Variants in GSPT1 observed in about 807,000 individuals in gnomAD.
The protein encoded by GSPT1 is G1 to S phase transition 1, also known as eukaryotic peptide chain release factor GTP-binding subunit ERF3A.
A neutral mutation model predicts 72.5 loss-of-function variants in GSPT1; 20 were observed. The observed-to-expected ratio is 0.28, with a 90% CI of 0.19 to 0.40. The LOEUF is 0.40. Ranked by LOEUF, GSPT1 falls within the 10% of genes least tolerant of loss-of-function variation. The pLI, the probability that GSPT1 is intolerant of heterozygous loss-of-function variation, is 1.00. For synonymous variants in GSPT1, 334 were observed against 293.5 expected (o/e 1.14, Z -1.41); for missense variants, 580 against 811.9 (o/e 0.71, Z 3.47).
rs556502457 is a variant in GSPT1 at position 11,905,421 on chromosome 16, T to C, written c.353-7386A>G. Among the ~76,000 whole-genome samples the C allele has an allele frequency of 5.3e-5, 8 of 152,324 alleles. No homozygotes were observed. The South Asian group carries it at 8.3e-4, about 16-fold the overall frequency. On this transcript the variant is annotated intron_variant, in intron 1 of 14. Coordinates refer to ENST00000434724, the MANE Select transcript of GSPT1 (RefSeq NM_002094.4). ...GTTCTAGCTCAAGGATTCTCCTTAA[T>C]TGTAGTACACACTTGCCTACCTAAT...
At chr16:11,904,213 T>G in intron 1 of GSPT1, 1 of 158,326 alleles carries the variant, frequency 6.3e-6, no homozygotes, top group South Asian at 2.0e-4. Flanking sequence ...TTATTTTATT[T>G]TATTTATTTA....
intron 6 of GSPT1, among the ~76,000 whole-genome samples, chr16:11,888,425 G>A (rs2054211370): frequency 6.7e-6 from 1 of 149,688 alleles, no homozygotes; most frequent in Admixed American, 6.7e-5. Context: ...TCGTGCCATC[G>A]CACTCCAGGC....
intron 1 of GSPT1, among the ~76,000 whole-genome samples, chr16:11,904,536 TAA>T (rs1346803838): frequency 1.3e-5 from 2 of 152,068 alleles, no homozygotes; most frequent in Non-Finnish European, 2.9e-5. Flanking sequence ...TTCAATTTTT[TAA>T]AAGAGTGTAC....
At chr16:11,906,952 A>G (rs181851538) in intron 1 of GSPT1, among the ~76,000 whole-genome samples, 9 of 152,344 alleles carry the variant, frequency 5.9e-5, no homozygotes, top group African/African-American at 2.2e-4. Flanking sequence ...GAAAAACAGT[A>G]AAAGCAAACA....
chr16:11,883,277 T>C (rs565749371), intron 10 of GSPT1, among the ~76,000 whole-genome samples, 182 bp from the exon 11 acceptor site: 1 of 152,050 alleles, frequency 6.6e-6, no homozygotes, highest in South Asian at 2.1e-4. Flanking sequence ...CATAAGCATA[T>C]GTATGATCAT....
In GSPT1 at chr16:11,868,363, T is replaced by TG. The variant is rs1237193060; in HGVS notation, c.*4755_*4756insC. 5 of 151,376 alleles carry TG rather than the reference T, an allele frequency of 3.3e-5. No homozygotes were observed. Among genetic ancestry groups the TG allele is most frequent in the South Asian group, 2.1e-4 (1 of 4,798 alleles). 9.4% of individuals were successfully genotyped at this position (151,376 alleles called of 1,614,324 possible). On this transcript the variant is annotated 3_prime_UTR_variant, in exon 15 of 15. Transcript: ENST00000434724. ...TGATCAGTTCCCTTTAATCCTGTTT[T>TG]TTTTTTTTTTTTTTAAATGAGATCT... is the stretch of plus-strand genomic sequence containing the variant.
chr16:11,889,748 C>T (rs1255026680), intron 6 of GSPT1, among the ~76,000 whole-genome samples: 34 of 151,400 alleles, frequency 2.2e-4, no homozygotes, highest in Non-Finnish European at 2.8e-4. Context: ...TCAGGTGATC[C>T]GCCTGCCTCG....
At chr16:11,892,531 A>AAAAATAAAAAAAT (rs1567443313) in intron 5 of GSPT1, among the ~76,000 whole-genome samples, 1 of 139,862 alleles carries the variant, frequency 7.1e-6, no homozygotes, top group African/African-American at 2.8e-5. Flanking sequence ...AACAAAAAAA[A>AAAAATAAAAAAAT]CAAAAAATAA....
rs751454198 is a variant in GSPT1 at position 11,877,345 on chromosome 16, C to G, written c.1602+62G>C. ...TCACAAATAATCAGGACAAAAGGCA[C>G]TGATATTCTAATTTCATTTAGACAT... On this transcript the variant is annotated intron_variant, in intron 12 of 14. Transcript: ENST00000434724. The surrounding 1 kb of genome is among the most constrained non-coding windows in gnomAD (Gnocchi z 4.0). The G allele has an allele frequency of 8.3e-5, 96 of 1,149,864 alleles. 1 individual carries two copies. The Middle Eastern group carries it at 1.7e-3, about 21-fold the overall frequency. The allele number at this position is 1,149,864 out of a possible 1,614,324, so 71.2% of individuals were successfully genotyped here.
chr16:11,902,589 C>CTT lies in GSPT1; in HGVS notation c.353-4556_353-4555dup, dbSNP rs138731095. On this transcript the variant is annotated intron_variant, in intron 1 of 14. Coordinates refer to ENST00000434724, the MANE Select transcript of GSPT1 (RefSeq NM_002094.4). ...TACACATGATAAACTGGAACTGGAT[C>CTT]TTTTTTTTTTTTTTAAGAGATGGAG... Among the ~76,000 whole-genome samples the CTT allele has an allele frequency of 4.2e-5, 6 of 144,576 alleles. No homozygotes were observed. In the Admixed American group the frequency reaches 4.2e-4, roughly 10 times the overall value. The allele number at this position is 144,576 out of a possible 152,430, so 94.8% of individuals were successfully genotyped here.
chr16:11,889,981 C>T (rs1266091707), intron 6 of GSPT1, among the ~76,000 whole-genome samples: 2 of 141,052 alleles, frequency 1.4e-5, no homozygotes, highest in African/African-American at 2.6e-5. Context: ...TTTTTTTTGA[C>T]ATGGTGTCTC....
At chr16:11,884,373 G>A (rs982145186) in intron 10 of GSPT1, among the ~76,000 whole-genome samples, 4 of 152,172 alleles carry the variant, frequency 2.6e-5, no homozygotes, top group Non-Finnish European at 5.9e-5. Flanking sequence ...TCGGGAAACA[G>A]CTAAAATAAA....
Position 11,868,196 on chromosome 16 carries a change from G to C in GSPT1, c.*4923C>G, listed in dbSNP as rs1447466416. 4 of 152,092 alleles carry C rather than the reference G, an allele frequency of 2.6e-5. No homozygotes were observed. Among genetic ancestry groups the C allele is most frequent in the Non-Finnish European group, 5.9e-5 (4 of 68,018 alleles). 9.4% of individuals were successfully genotyped at this position (152,092 alleles called of 1,614,324 possible). The stretch of plus-strand genomic sequence containing the variant: ...AATTTAATTTGTCATTTGAATAATT[G>C]CAAGAGCAGACTAAGGGCTTAATCC... On this transcript the variant is annotated 3_prime_UTR_variant, in exon 15 of 15. Coordinates refer to ENST00000434724, the MANE Select transcript of GSPT1 (RefSeq NM_002094.4).
At chr16:11,885,128 A>T in intron 10 of GSPT1, 53 bp downstream of exon 10, 1 of 834,090 alleles carries the variant, frequency 1.2e-6, no homozygotes, top group South Asian at 1.4e-5. Context: ...AACAAAATGC[A>T]CAACAATGAT....
At chr16:11,882,613 GC>G (rs1196816064) in intron 11 of GSPT1, 2 of 157,658 alleles carry the variant, frequency 1.3e-5, no homozygotes, top group Non-Finnish European at 1.4e-5. Context: ...TGTTAGAGAA[GC>G]CCTGCCTCAG....
chr16:11,889,326 C>CT (rs2054224972), intron 6 of GSPT1, among the ~76,000 whole-genome samples: 3 of 95,746 alleles, frequency 3.1e-5, no homozygotes, highest in South Asian at 4.1e-4. Flanking sequence ...CACCCCTCTT[C>CT]TTCTTTTTTT....
chr16:11,884,685 A>G (rs1008726276), intron 10 of GSPT1, among the ~76,000 whole-genome samples: 14 of 150,968 alleles, frequency 9.3e-5, no homozygotes, highest in Admixed American at 6.6e-5. Context: ...AATCTCTTGA[A>G]CCTGGGAGGC....
intron 6 of GSPT1, among the ~76,000 whole-genome samples, chr16:11,888,445 G>C (rs972480934): frequency 1.4e-5 from 2 of 145,834 alleles, no homozygotes; most frequent in African/African-American, 2.6e-5. Flanking sequence ...CTGGGCAACA[G>C]AGGGAGACTC....
intron 1 of GSPT1, among the ~76,000 whole-genome samples, chr16:11,913,784 A>C (rs1464610097): frequency 6.6e-6 from 1 of 152,252 alleles, no homozygotes; most frequent in Non-Finnish European, 1.5e-5. Flanking sequence ...AAGAATTACA[A>C]GCTAAGCTTC....
Sources: allele counts gnomAD v4.1 joint callset (sites outside exome capture counted in the v4.1 genomes callset), GRCh38; gene constraint gnomAD v4.1.1; non-coding constraint Gnocchi (gnomAD v3.1); transcripts MANE v1.5; gene names NCBI Gene and HGNC (gene_info 2026-07-23, HGNC 2026-07-21).